Variants in PCDHGA1 observed in about 807,000 individuals in gnomAD.
The protein encoded by PCDHGA1 is protocadherin gamma subfamily A, 1.
A neutral mutation model predicts 58.0 loss-of-function variants in PCDHGA1; 32 were observed. That is an observed-to-expected ratio of 0.55 (90% confidence interval 0.42 to 0.74). PCDHGA1 has a LOEUF of 0.74. Ranked by LOEUF, PCDHGA1 falls within the 30% of genes least tolerant of loss-of-function variation. The pLI is 0.00. For synonymous variants in PCDHGA1, 498 were observed against 501.1 expected, an observed-to-expected ratio of 0.99 and a Z score of 0.08; for missense variants, 1,205 against 1,182.3, an observed-to-expected ratio of 1.02 and a Z score of -0.28.
At chr5:141,450,211 T>TTTCA (rs1038674129) in intron 1 of PCDHGA1, among the ~76,000 whole-genome samples, 23 of 152,166 alleles carry the variant, frequency 1.5e-4, no homozygotes, top group African/African-American at 4.3e-4. Flanking sequence ...AGAGACAAGG[T>TTTCA]TTCACTATGT....
At chr5:141,365,601 T>C in intron 1 of PCDHGA1, 1 of 1,613,644 alleles carries the variant, frequency 6.2e-7, no homozygotes, top group Non-Finnish European at 8.5e-7. Context: ...ACTTTAACCG[T>C]CATGGACCAT....
At chr5:141,422,568 C>A (rs372115955) in intron 1 of PCDHGA1, 5 of 1,613,904 alleles carry the variant, frequency 3.1e-6, no homozygotes, top group Admixed American at 3.3e-5. Context: ...CAGATGACAA[C>A]GATAACCCTC....
At chr5:141,375,915 C>A in intron 1 of PCDHGA1, 2 of 1,613,746 alleles carry the variant, frequency 1.2e-6, no homozygotes, top group South Asian at 2.2e-5. Flanking sequence ...CTGCTCAAGG[C>A]CAGCGAGCCA....
chr5:141,484,897 A>G (rs2099602925), intron 1 of PCDHGA1: 2 of 392,698 alleles, frequency 5.1e-6, no homozygotes, highest in Middle Eastern at 7.1e-4. Flanking sequence ...TTTCCCCTCC[A>G]ATGCTGCGAC....
At chr5:141,422,279 C>T (rs1344316011) in intron 1 of PCDHGA1, 1 of 1,557,956 alleles carries the variant, frequency 6.4e-7, no homozygotes, top group Non-Finnish European at 8.6e-7. Context: ...ATAACTATCA[C>T]CTCTTCTATT....
chr5:141,487,695 C>T lies in PCDHGA1; in HGVS notation c.2422-7112C>T, dbSNP rs1345224043. The stretch of plus-strand genomic sequence containing the variant: ...TGGCTAGGCCATGTCCTAGAGAGTA[C>T]TGGCCTCTCAGTAAGTGCCCATAGT... On this transcript the variant is annotated intron_variant, in intron 1 of 3. Coordinates refer to ENST00000517417, the MANE Select transcript of PCDHGA1 (RefSeq NM_018912.3). The surrounding 1 kb of genome is among the most constrained non-coding windows in gnomAD (Gnocchi z 5.0). 2 of 1,601,306 alleles carry T rather than the reference C, an allele frequency of 1.2e-6. No individual in the cohort carries two copies. Among genetic ancestry groups the T allele is most frequent in the East Asian group, 2.2e-5 (1 of 44,606 alleles).
chr5:141,486,400 T>G lies in PCDHGA1; in HGVS notation c.2422-8407T>G. On this transcript the variant is annotated intron_variant, in intron 1 of 3. Transcript: ENST00000517417. This position sits in a 1 kb window ranked among gnomAD's most constrained non-coding sequence, Gnocchi z 5.0. Reference sequence around the variant, plus strand: ...TCAGGAACCAGTTCTCCCTGGTGACTGCTGGACCCTTGGATCGAGAGGCCA... The same window carrying G: ...TCAGGAACCAGTTCTCCCTGGTGACGGCTGGACCCTTGGATCGAGAGGCCA... 5.0e-6 allele frequency: 8 copies of G among 1,614,194 alleles called. No homozygotes were observed. The highest frequency in any genetic ancestry group is 6.8e-6 in the Non-Finnish European group (8 of 1,180,028).
intron 1 of PCDHGA1, chr5:141,410,848 T>TA: frequency 1.9e-5 from 7 of 365,918 alleles, no homozygotes; most frequent in Non-Finnish European, 3.2e-5. Context: ...TTTGTCTTTG[T>TA]CTTTTTTTTT....
chr5:141,494,197 C>T (rs73794924), intron 1 of PCDHGA1, among the ~76,000 whole-genome samples: 1,654 of 152,242 alleles, frequency 0.011, 27 homozygotes, highest in African/African-American at 0.037. Flanking sequence ...CTTGGATGCC[C>T]CGCAAAGGCC....
In PCDHGA1 at chr5:141,512,022, C is replaced by T. The variant is rs2154594692; in HGVS notation, c.*849C>T. The T allele has an allele frequency of 6.5e-6, 1 of 152,990 alleles. No individual in the cohort carries two copies. The highest frequency in any genetic ancestry group is 1.9e-4 in the East Asian group (1 of 5,186). The allele number at this position is 152,990 out of a possible 1,614,324, so 9.5% of individuals were successfully genotyped here. A position where few individuals can be genotyped will look rare whatever the true frequency, so the allele number is the denominator to read the frequency against. The stretch of plus-strand genomic sequence containing the variant: ...AGCTTGACACATCAAGTTATCAAGG[C>T]CTTGGAGGAGGCTCTGTATGTCCTC... On this transcript the variant is annotated 3_prime_UTR_variant, in exon 4 of 4. Transcript: ENST00000517417.
chr5:141,388,710 G>A (rs756980821), intron 1 of PCDHGA1: 3 of 1,613,966 alleles, frequency 1.9e-6, no homozygotes, highest in Non-Finnish European at 8.5e-7. Flanking sequence ...TGTCAATGCC[G>A]AGATTACTTT....
intron 1 of PCDHGA1, chr5:141,441,857 ACGCCGC>A (rs2098279969): frequency 2.8e-6 from 1 of 352,664 alleles, no homozygotes; most frequent in Non-Finnish European, 5.6e-6. Flanking sequence ...ATGGTGCTGC[ACGCCGC>A]GGAGCCTGGC....
At chr5:141,471,708 T>G (rs1359785951) in intron 1 of PCDHGA1, among the ~76,000 whole-genome samples, 1 of 152,138 alleles carries the variant, frequency 6.6e-6, no homozygotes, top group Non-Finnish European at 1.5e-5. Context: ...GGAATAGAAG[T>G]GCCACTTACC....
At chr5:141,338,071 G>C (rs1330453822) in intron 1 of PCDHGA1, among the ~76,000 whole-genome samples, 1 of 152,122 alleles carries the variant, frequency 6.6e-6, no homozygotes, top group East Asian at 1.9e-4. Flanking sequence ...CCCTCAAAAA[G>C]ACTTTTCTGA....
chr5:141,391,264 G>T (rs1427432631), intron 1 of PCDHGA1: 1 of 151,768 alleles, frequency 6.6e-6, no homozygotes, highest in Non-Finnish European at 1.5e-5. Context: ...TCAGTTAATG[G>T]CCACTTTACA....
chr5:141,378,155 T>C (rs1471483193), intron 1 of PCDHGA1: 1 of 152,258 alleles, frequency 6.6e-6, no homozygotes, highest in Non-Finnish European at 1.5e-5. Flanking sequence ...AATTATTGGG[T>C]TGTTAACAAT....
At chr5:141,385,574 C>T in intron 1 of PCDHGA1, 1 of 1,293,946 alleles carries the variant, frequency 7.7e-7, no homozygotes, top group Non-Finnish European at 9.8e-7. Flanking sequence ...ACCTACTTTC[C>T]AATCTATGTT....
chr5:141,486,162 T>G lies in PCDHGA1; in HGVS notation c.2422-8645T>G, dbSNP rs763023343. ...GCTCGCGATGGGGGTTCTCCAGCCA[T>G]GGAGCAACATTGCAGCCTTCGAGTG... On this transcript the variant is annotated intron_variant, in intron 1 of 3. Coordinates refer to ENST00000517417, the MANE Select transcript of PCDHGA1 (RefSeq NM_018912.3). The surrounding 1 kb of genome is among the most constrained non-coding windows in gnomAD (Gnocchi z 5.0). The G allele has an allele frequency of 6.2e-7, 1 of 1,614,170 alleles. No individual in the cohort carries two copies. Among genetic ancestry groups the G allele is most frequent in the Non-Finnish European group, 8.5e-7 (1 of 1,180,026 alleles).
intron 1 of PCDHGA1, chr5:141,370,468 T>C: frequency 6.2e-7 from 1 of 1,613,240 alleles, no homozygotes. Context: ...CTCTCTTTGT[T>C]AGACCAGGCT....
Sources: allele counts gnomAD v4.1 joint callset (sites outside exome capture counted in the v4.1 genomes callset), GRCh38; gene constraint gnomAD v4.1.1; non-coding constraint Gnocchi (gnomAD v3.1); transcripts MANE v1.5; gene names NCBI Gene and HGNC (gene_info 2026-07-23, HGNC 2026-07-21).